RPS6KC1: variants seen among roughly 807,000 people sequenced by gnomAD.
The protein encoded by RPS6KC1 is inactive ribosomal protein S6 kinase delta-1.
In RPS6KC1, 54 loss-of-function variants were observed where a neutral mutation model predicts 103.8. The ratio of observed to expected loss-of-function variants is 0.52; its 90% confidence interval spans 0.42 to 0.65. The LOEUF is 0.65. Among genes scored for constraint, RPS6KC1 ranks in the 30% least tolerant of loss-of-function variants. RPS6KC1 has a pLI of 0.00. For missense variants in RPS6KC1, 1,151 were observed against 1,253.8 expected (o/e 0.92, Z 1.24); for synonymous variants, 439 against 438.7 (o/e 1.00, Z -0.01).
the RPS6KC1 span, among the ~76,000 whole-genome samples, chr1:213,662,697 A>C: frequency 6.6e-6 from 1 of 152,064 alleles, no homozygotes; most frequent in Non-Finnish European, 1.5e-5. Flanking sequence ...TTCATTTCCC[A>C]TCTCATCAGC....
the RPS6KC1 span, among the ~76,000 whole-genome samples, chr1:213,560,189 G>A: frequency 6.6e-6 from 1 of 152,018 alleles, no homozygotes; most frequent in African/African-American, 2.4e-5. Flanking sequence ...TTAATCAAAC[G>A]CTGCTGTAAA....
the RPS6KC1 span, among the ~76,000 whole-genome samples, chr1:213,473,577 G>T: frequency 2.0e-5 from 3 of 152,150 alleles, no homozygotes; most frequent in Non-Finnish European, 4.4e-5. Flanking sequence ...ATTTACTTTT[G>T]CTTTAAGCAA....
At chr1:213,624,755 A>G in the RPS6KC1 span, among the ~76,000 whole-genome samples, 12 of 152,050 alleles carry the variant, frequency 7.9e-5, no homozygotes, top group African/African-American at 2.7e-4. Context: ...CCGTGTTCTC[A>G]CTTGGTGGAA....
At chr1:213,378,703 A>G in the RPS6KC1 span, among the ~76,000 whole-genome samples, 1 of 152,220 alleles carries the variant, frequency 6.6e-6, no homozygotes, top group Non-Finnish European at 1.5e-5. Flanking sequence ...ATGCGTGAGA[A>G]TAAAGGCCAG....
At chr1:213,077,303 T>C (rs922620085) in intron 2 of RPS6KC1, among the ~76,000 whole-genome samples, 2 of 152,256 alleles carry the variant, frequency 1.3e-5, no homozygotes, top group Non-Finnish European at 2.9e-5. Flanking sequence ...TGCAGGCCAA[T>C]TGTAATTGGT....
At chr1:213,804,192 A>AC in the RPS6KC1 span, among the ~76,000 whole-genome samples, 1 of 150,662 alleles carries the variant, frequency 6.6e-6, no homozygotes, top group African/African-American at 2.4e-5. Context: ...AAAAAAAAAA[A>AC]AAAAAACAAC....
the RPS6KC1 span, among the ~76,000 whole-genome samples, chr1:213,516,708 C>A: frequency 6.6e-6 from 1 of 152,116 alleles, no homozygotes; most frequent in Non-Finnish European, 1.5e-5. Context: ...TGTGTCTCTG[C>A]CAGGCTTTGG....
At chr1:213,697,463 A>G in the RPS6KC1 span, among the ~76,000 whole-genome samples, 1 of 152,276 alleles carries the variant, frequency 6.6e-6, no homozygotes, top group Admixed American at 6.5e-5. Flanking sequence ...AGAGAGGACC[A>G]GAGAGGAACT....
At chr1:213,622,142 C>T in the RPS6KC1 span, among the ~76,000 whole-genome samples, 8 of 152,122 alleles carry the variant, frequency 5.3e-5, no homozygotes, top group Non-Finnish European at 1.0e-4. Context: ...TGAAATGTTC[C>T]CCCTGCATAT....
chr1:213,283,484 G>C, the RPS6KC1 span, among the ~76,000 whole-genome samples: 1 of 152,208 alleles, frequency 6.6e-6, no homozygotes, highest in East Asian at 1.9e-4. Context: ...GGAAGCAATA[G>C]TGTAACTTCT....
chr1:213,590,784 C>T, the RPS6KC1 span, among the ~76,000 whole-genome samples: 5 of 152,084 alleles, frequency 3.3e-5, no homozygotes, highest in East Asian at 5.8e-4. Context: ...GTGGTGGCGG[C>T]GAGTCCTTCA....
the RPS6KC1 span, among the ~76,000 whole-genome samples, chr1:213,830,949 G>A: frequency 6.6e-6 from 1 of 152,048 alleles, no homozygotes; most frequent in African/African-American, 2.4e-5. Context: ...TGTTGCTCTG[G>A]GCAGCTCAAA....
the RPS6KC1 span, among the ~76,000 whole-genome samples, chr1:213,779,556 G>A: frequency 1.2e-4 from 18 of 152,240 alleles, no homozygotes; most frequent in East Asian, 5.8e-4. Flanking sequence ...GTTGTCTGTC[G>A]TGGTTTAAAA....
At chr1:213,485,607 A>G in the RPS6KC1 span, among the ~76,000 whole-genome samples, 2 of 152,182 alleles carry the variant, frequency 1.3e-5, no homozygotes, top group East Asian at 3.8e-4. Context: ...TTGTTGAAAG[A>G]ATGCAAGTTG....
At chr1:213,077,964 C>G (rs2148529542) in intron 3 of RPS6KC1, 148 bp downstream of exon 3, 1 of 423,710 alleles carries the variant, frequency 2.4e-6, no homozygotes, top group Non-Finnish European at 4.1e-6. Context: ...ATTGTCTTTT[C>G]TTGTTCTTGT....
chr1:213,691,304 G>A, the RPS6KC1 span, among the ~76,000 whole-genome samples: 1 of 152,188 alleles, frequency 6.6e-6, no homozygotes, highest in African/African-American at 2.4e-5. Flanking sequence ...AAATACTTGA[G>A]CGGATATGCT....
the RPS6KC1 span, among the ~76,000 whole-genome samples, chr1:213,378,412 A>G: frequency 2.0e-5 from 3 of 152,254 alleles, no homozygotes; most frequent in South Asian, 2.1e-4. Context: ...CAATAAATAC[A>G]TTTAGTTATT....
intron 3 of RPS6KC1, among the ~76,000 whole-genome samples, chr1:213,089,832 T>C (rs2080804805): frequency 6.6e-6 from 1 of 152,224 alleles, no homozygotes; most frequent in Non-Finnish European, 1.5e-5. Context: ...GCTTTTATTT[T>C]GCTCAACTTA....
chr1:213,602,243 TTCTC>T, the RPS6KC1 span, among the ~76,000 whole-genome samples: 1 of 128,570 alleles, frequency 7.8e-6, no homozygotes. Flanking sequence ...CTTCCTCTCT[TTCTC>T]TCTCTCTTTT....
Sources: allele counts gnomAD v4.1 joint callset (sites outside exome capture counted in the v4.1 genomes callset), GRCh38; gene constraint gnomAD v4.1.1; transcripts MANE v1.5; gene names NCBI Gene and HGNC (gene_info 2026-07-23, HGNC 2026-07-21).